Variants in GRIN3A observed in about 807,000 individuals in gnomAD.
GRIN3A encodes glutamate ionotropic receptor NMDA type subunit 3A, also known as glutamate receptor ionotropic, NMDA 3A.
Under a neutral mutation model 92.4 loss-of-function variants are expected in GRIN3A, and 47 were observed. The ratio of observed to expected loss-of-function variants is 0.51; its 90% CI spans 0.40 to 0.65. GRIN3A has a LOEUF of 0.65. Ranked by LOEUF, GRIN3A falls within the 30% of genes least tolerant of loss-of-function variation. The pLI is 0.00. For synonymous variants in GRIN3A, 527 were observed against 540.6 expected, an observed-to-expected ratio of 0.97 and a Z score of 0.35; for missense variants, 1,324 against 1,393.1, an observed-to-expected ratio of 0.95 and a Z score of 0.79.
intron 2 of GRIN3A, among the ~76,000 whole-genome samples, chr9:101,685,608 A>G (rs779248043): frequency 1.3e-5 from 2 of 152,010 alleles, no homozygotes; most frequent in African/African-American, 4.8e-5. Flanking sequence ...AACCATTTCC[A>G]TATGATGTGT....
At chr9:101,640,162 T>G (rs904516980) in intron 3 of GRIN3A, among the ~76,000 whole-genome samples, 1 of 152,236 alleles carries the variant, frequency 6.6e-6, no homozygotes, top group African/African-American at 2.4e-5. Context: ...GTGTATAGTA[T>G]AAAGCCTGTA....
chr9:101,683,738 C>A (rs1829492127), intron 2 of GRIN3A, among the ~76,000 whole-genome samples: 1 of 151,934 alleles, frequency 6.6e-6, no homozygotes, highest in African/African-American at 2.4e-5. Flanking sequence ...GGGCTTCAAA[C>A]CTCACAATCT....
intron 3 of GRIN3A, among the ~76,000 whole-genome samples, chr9:101,653,642 T>A (rs1288185756): frequency 6.6e-6 from 1 of 151,894 alleles, no homozygotes; most frequent in Non-Finnish European, 1.5e-5. Flanking sequence ...TTTTCCTGTA[T>A]CTGAGAACTG....
intron 5 of GRIN3A, among the ~76,000 whole-genome samples, chr9:101,619,835 G>T (rs1022941445): frequency 1.3e-5 from 2 of 152,162 alleles, no homozygotes; most frequent in Non-Finnish European, 2.9e-5. Flanking sequence ...TTGGAGACAC[G>T]TATTCATTTA....
chr9:101,570,828 G>C lies in GRIN3A; in HGVS notation c.*2346C>G, dbSNP rs372986045. On this transcript the variant is annotated 3_prime_UTR_variant, in exon 9 of 9. Coordinates refer to ENST00000361820, the MANE Select transcript of GRIN3A (RefSeq NM_133445.3). ...GGGATAATTAATTGCATTACAAAAGGGTGCTTTACTTTACAAAAGAATTCA... is the reference window on the plus strand; with the variant it reads ...GGGATAATTAATTGCATTACAAAAGCGTGCTTTACTTTACAAAAGAATTCA... 6.6e-6 allele frequency: 1 copy of C among 152,518 alleles called. No individual in the cohort carries two copies. Among genetic ancestry groups the C allele is most frequent in the Non-Finnish European group, 1.5e-5 (1 of 68,024 alleles). The allele number at this position is 152,518 out of a possible 1,614,324, so 9.4% of individuals were successfully genotyped here. A position where few individuals can be genotyped will look rare whatever the true frequency, so the allele number is the denominator to read the frequency against.
At position 101,670,289 on chromosome 9, in the gene GRIN3A, C is replaced by T. The variant is rs759998453; in HGVS notation, c.2123G>A (p.Arg708Gln). ...KSPFGLTPKG[R>Q]NRSKVFSFSS... ...AAAGGAGAAGACTTTACTTCTATTT[C>T]GCCCCTTGGGAGTCAAACCAAATGG... Residue 708 changes from arginine to glutamine, a missense_variant, in exon 3 of 9, where the codon CGA (arginine) becomes CAA (glutamine). By Grantham distance (43) the Arg-to-Gln change is conservative. Coordinates refer to ENST00000361820, the MANE Select transcript of GRIN3A (RefSeq NM_133445.3). 6.3e-5 allele frequency: 101 copies of T among 1,613,896 alleles called. No homozygotes were observed. The Admixed American group carries it at 1.5e-3, about 23-fold the overall frequency.
At chr9:101,616,861 T>C (rs138421991) in intron 5 of GRIN3A, among the ~76,000 whole-genome samples, 4 of 135,016 alleles carry the variant, frequency 3.0e-5, no homozygotes, top group Non-Finnish European at 6.2e-5. Context: ...CTGCACAATG[T>C]GCACATGTAC....
At chr9:101,697,316 G>T (rs1293269146) in intron 1 of GRIN3A, among the ~76,000 whole-genome samples, 1 of 152,054 alleles carries the variant, frequency 6.6e-6, no homozygotes, top group Non-Finnish European at 1.5e-5. Context: ...TCAAATCATG[G>T]TTGAAAGTAA....
intron 1 of GRIN3A, among the ~76,000 whole-genome samples, chr9:101,694,810 T>C (rs563219526): frequency 6.6e-6 from 1 of 152,202 alleles, no homozygotes; most frequent in East Asian, 1.9e-4. Flanking sequence ...TGTTCCAACA[T>C]GGGGAAGGGT....
intron 1 of GRIN3A, among the ~76,000 whole-genome samples, chr9:101,689,743 T>C (rs201001843): frequency 3.5e-4 from 50 of 143,792 alleles, no homozygotes; most frequent in Middle Eastern, 3.5e-3. Flanking sequence ...CACACACACA[T>C]ACACACACAC....
chr9:101,736,330 A>G (rs540714666), intron 1 of GRIN3A, among the ~76,000 whole-genome samples: 1 of 152,360 alleles, frequency 6.6e-6, no homozygotes, highest in South Asian at 2.1e-4. Context: ...TTATGATAAA[A>G]GTAACATATA....
chr9:101,581,901 T>G (rs1050389001), intron 6 of GRIN3A, among the ~76,000 whole-genome samples: 3 of 152,240 alleles, frequency 2.0e-5, no homozygotes, highest in African/African-American at 7.2e-5. Context: ...ACTTTATCAA[T>G]GTAGCAACTT....
At chr9:101,722,952 G>A (rs1396889335) in intron 1 of GRIN3A, among the ~76,000 whole-genome samples, 4 of 152,310 alleles carry the variant, frequency 2.6e-5, no homozygotes, top group Middle Eastern at 3.4e-3. Flanking sequence ...TTTGAAATGT[G>A]AGGACATGAG....
intron 3 of GRIN3A, among the ~76,000 whole-genome samples, chr9:101,661,625 C>T (rs7038964): frequency 0.13 from 20,295 of 151,782 alleles, 1,984 homozygotes; most frequent in African/African-American, 0.28. Context: ...ATATTGGACA[C>T]TTACATGGTT....
At chr9:101,594,481 C>A in intron 6 of GRIN3A, 1 of 1,614,174 alleles carries the variant, frequency 6.2e-7, no homozygotes, top group Non-Finnish European at 8.5e-7. Context: ...CAAAGGATAT[C>A]TTCCCATCGC....
intron 6 of GRIN3A, among the ~76,000 whole-genome samples, chr9:101,589,109 T>C (rs1827988459): frequency 1.3e-5 from 2 of 152,154 alleles, no homozygotes; most frequent in African/African-American, 4.8e-5. Context: ...TAGCTGGGAC[T>C]AAAGGCATGT....
At chr9:101,594,772 G>A (rs1828091524) in intron 6 of GRIN3A, 2 of 1,613,874 alleles carry the variant, frequency 1.2e-6, no homozygotes, top group African/African-American at 2.7e-5. Flanking sequence ...ACGGGTTGTG[G>A]CGCAGCTCCG....
chr9:101,586,300 T>C (rs1457294821), intron 6 of GRIN3A, among the ~76,000 whole-genome samples: 1 of 152,234 alleles, frequency 6.6e-6, no homozygotes, highest in Non-Finnish European at 1.5e-5. Flanking sequence ...GCAGCACTTT[T>C]GTCCATTTTG....
intron 1 of GRIN3A, among the ~76,000 whole-genome samples, chr9:101,718,044 T>A (rs949803230): frequency 6.6e-6 from 1 of 152,176 alleles, no homozygotes; most frequent in African/African-American, 2.4e-5. Flanking sequence ...TCTTTTAGGT[T>A]CCCATCACCA....
Sources: allele counts gnomAD v4.1 joint callset (sites outside exome capture counted in the v4.1 genomes callset), GRCh38; gene constraint gnomAD v4.1.1; transcripts MANE v1.5; gene names NCBI Gene and HGNC (gene_info 2026-07-23, HGNC 2026-07-21).